Variants in CDHR3 observed in about 807,000 individuals in gnomAD.
The protein encoded by CDHR3 is cadherin-related family member 3.
A neutral mutation model predicts 86.6 loss-of-function variants in CDHR3; 79 were observed. That is an observed-to-expected ratio of 0.91 (90% CI 0.76 to 1.10). The LOEUF is 1.10. Among genes scored for constraint, CDHR3 ranks in the 50% least tolerant of loss-of-function variants. CDHR3 has a pLI of 0.00. For missense variants in CDHR3, 1,081 were observed against 1,077.6 expected, an observed-to-expected ratio of 1.00 and a Z score of -0.04; for synonymous variants, 421 against 402.4, an observed-to-expected ratio of 1.05 and a Z score of -0.55.
rs1206018121 is a variant in CDHR3 at position 106,034,120 on chromosome 7, TACTGGAAG to T, written c.*1424_*1431del. On this transcript the variant is annotated 3_prime_UTR_variant, in exon 19 of 19. Coordinates refer to ENST00000317716, the MANE Select transcript of CDHR3 (RefSeq NM_152750.5). ...AACTGCAGGACTCTGAGTGGGGACA[TACTGGAAG>T]CCCCATCTAGACATAAAACTCAGAC... 6.6e-6 allele frequency among the ~76,000 whole-genome samples: 1 copy of T among 152,216 alleles called. No homozygotes were observed. The highest frequency in any genetic ancestry group is 1.5e-5 in the Non-Finnish European group (1 of 68,040).
At position 105,984,303 on chromosome 7, in the gene CDHR3, T is replaced by C. The variant is rs773822502; in HGVS notation, c.513+14T>C. ...ATTCCCCTCAGTGTAAGTGTCCTTATATGGAAGAGGTGGTGTTTGTCCGTG... is the reference window on the plus strand; with the variant it reads ...ATTCCCCTCAGTGTAAGTGTCCTTACATGGAAGAGGTGGTGTTTGTCCGTG... On this transcript the variant is annotated intron_variant, in intron 4 of 18. Transcript: ENST00000317716. 4.4e-6 allele frequency: 7 copies of C among 1,590,082 alleles called. No individual in the cohort carries two copies. The highest frequency in any genetic ancestry group is 3.3e-4 in the Middle Eastern group (2 of 6,008).
At position 105,984,279 on chromosome 7, in the gene CDHR3, T is replaced by C; in HGVS notation, c.503T>C (p.Ile168Thr). ...GATCCAGAAGACACAAGCCGAAACA[T>C]TCCCCTCAGTGTAAGTGTCCTTATA... ...AFDPEDTSRN[I>T]PLSYFLISPP... The change falls in exon 4 of 19, where the codon ATT becomes ACT. Residue 168 changes from isoleucine to threonine, a missense_variant. By Grantham distance (89) the Ile-to-Thr change is moderately conservative (BLOSUM62 -1). Coordinates refer to ENST00000317716, the MANE Select transcript of CDHR3 (RefSeq NM_152750.5). 1.2e-6 allele frequency: 2 copies of C among 1,609,834 alleles called. No homozygotes were observed. The highest frequency in any genetic ancestry group is 8.5e-7 in the Non-Finnish European group (1 of 1,177,194).
intron 8 of CDHR3, among the ~76,000 whole-genome samples, chr7:106,009,501 T>C (rs1443183280): frequency 6.6e-6 from 1 of 152,248 alleles, no homozygotes; most frequent in Non-Finnish European, 1.5e-5. Flanking sequence ...TCTCTGACAC[T>C]TGCTCTTGAA....
At chr7:105,990,591 CT>C (rs1234153146) in intron 4 of CDHR3, among the ~76,000 whole-genome samples, 1 of 152,156 alleles carries the variant, frequency 6.6e-6, no homozygotes, top group Admixed American at 6.5e-5. Flanking sequence ...TACTCAGTGG[CT>C]TGTGGAGCCA....
chr7:105,999,939 C>A (rs1758460188), intron 6 of CDHR3, among the ~76,000 whole-genome samples: 1 of 152,180 alleles, frequency 6.6e-6, no homozygotes, highest in Admixed American at 6.5e-5. Flanking sequence ...TTAACAGAAC[C>A]CGCTCATGAT....
Position 106,020,412 on chromosome 7 carries a change from A to C in CDHR3, c.1693A>C (p.Ile565Leu). 6.2e-7 allele frequency: 1 copy of C among 1,613,862 alleles called. No homozygotes were observed. The highest frequency in any genetic ancestry group is 8.5e-7 in the Non-Finnish European group (1 of 1,179,830). The change falls in exon 13 of 19, where the codon ATT (isoleucine) becomes CTT (leucine). Residue 565 changes from isoleucine to leucine, a missense_variant. Physicochemically the swap from Ile to Leu is conservative, Grantham distance 5. Coordinates refer to ENST00000317716, the MANE Select transcript of CDHR3 (RefSeq NM_152750.5). ...NILEENDEKP[I>L]CTPNSYFLAL... Reference sequence around the variant, plus strand: ...CCTTGAAGAAAATGATGAAAAGCCAATTTGTACTCCAAACTCTTATTTCCT... The same window carrying C: ...CCTTGAAGAAAATGATGAAAAGCCACTTTGTACTCCAAACTCTTATTTCCT...
intron 6 of CDHR3, 89 bp from the exon 7 acceptor site, chr7:106,001,373 T>C (rs1328557589): frequency 7.0e-6 from 10 of 1,419,904 alleles, no homozygotes; most frequent in East Asian, 4.6e-5. Flanking sequence ...CTCTGCACTA[T>C]ATTTAGCACT....
chr7:105,984,181 C>CA lies in CDHR3; in HGVS notation c.416-10dup. 6.6e-7 allele frequency: 1 copy of CA among 1,507,254 alleles called. No homozygotes were observed. Among genetic ancestry groups the CA allele is most frequent in the African/African-American group, 1.4e-5 (1 of 72,398 alleles). The allele number at this position is 1,507,254 out of a possible 1,614,324, so 93.4% of individuals were successfully genotyped here. On this transcript the variant is annotated splice_polypyrimidine_tract_variant and intron_variant, in intron 3 of 18. Transcript: ENST00000317716. ...AAGATGTTTCTTATTCCACTTTGGA[C>CA]ACTGGTCTAGGTCTACACCTCTACA... is the stretch of plus-strand genomic sequence containing the variant.
At chr7:105,980,110 A>G (rs1829407516) in intron 2 of CDHR3, among the ~76,000 whole-genome samples, 1 of 152,244 alleles carries the variant, frequency 6.6e-6, no homozygotes, top group African/African-American at 2.4e-5. Context: ...GGCACAAAGA[A>G]AGTGAACAGT....
chr7:106,017,925 AG>A lies in CDHR3; in HGVS notation c.1510del (p.Ala504ProfsTer21), dbSNP rs1035563930. On this transcript the variant is annotated frameshift_variant, in exon 12 of 19. Transcript: ENST00000317716. LOFTEE classifies it high-confidence loss of function. The stretch of plus-strand genomic sequence containing the variant: ...GCCTCCTGTACTCCATCTCCACTGG[AG>A]GGGCCAGCCTCCAGTATCCAAATGT... ...SSLLYSISTG[G>X]ASLQYPNVFW... 49 of 1,611,534 alleles carry A rather than the reference AG, an allele frequency of 3.0e-5. No homozygotes were observed. The highest frequency in any genetic ancestry group is 3.8e-5 in the Non-Finnish European group (45 of 1,178,892).
At chr7:105,988,400 C>T (rs151290355) in intron 4 of CDHR3, among the ~76,000 whole-genome samples, 1 of 152,332 alleles carries the variant, frequency 6.6e-6, no homozygotes, top group East Asian at 1.9e-4. Flanking sequence ...CACTAAAGCA[C>T]ATGCCTGAAG....
chr7:106,015,136 A>G lies in CDHR3; in HGVS notation c.1250A>G (p.Asn417Ser), dbSNP rs1835396545. The change falls in exon 10 of 19, where the codon AAT (asparagine) becomes AGT (serine). Residue 417 changes from asparagine (N) to serine (S), a missense_variant. Coordinates refer to ENST00000317716, the MANE Select transcript of CDHR3 (RefSeq NM_152750.5). Reference protein sequence around the residue: ...IVLIGDLDYENPSNLAAGNKY... With the variant: ...IVLIGDLDYESPSNLAAGNKY... ...CTGATTGGTGATCTAGACTACGAAA[A>G]TCCAAGTAACCTAGCAGCCGGCAAT... The G allele has an allele frequency of 1.2e-6, 2 of 1,609,860 alleles. No homozygotes were observed.
chr7:106,028,116 TTAAAA>T (rs59804877), intron 16 of CDHR3, among the ~76,000 whole-genome samples: 6,367 of 120,062 alleles, frequency 0.053, 306 homozygotes, highest in Admixed American at 0.13. Flanking sequence ...AGACCCTGTC[TTAAAA>T]TAAAATAAAA....
chr7:106,004,404 T>C, intron 7 of CDHR3, 94 bp from the exon 8 acceptor site: 1 of 948,752 alleles, frequency 1.1e-6, no homozygotes, highest in Non-Finnish European at 1.6e-6. Context: ...AAGCTCTTCC[T>C]CATGTTCGAA....
chr7:106,009,858 A>G (rs1834521516), intron 8 of CDHR3, among the ~76,000 whole-genome samples: 3 of 152,258 alleles, frequency 2.0e-5, no homozygotes, highest in African/African-American at 7.2e-5. Flanking sequence ...GAGGCGGAGC[A>G]GTTTGGCTGA....
In CDHR3 at chr7:106,017,956, T is replaced by C. The variant is rs565900045; in HGVS notation, c.1537T>C (p.Trp513Arg). 1.9e-6 allele frequency: 3 copies of C among 1,613,834 alleles called. No individual in the cohort carries two copies. The African/African-American group carries it at 4.0e-5, about 22-fold the overall frequency. Residue 513 changes from tryptophan to arginine, a missense_variant, in exon 12 of 19, where the codon TGG (tryptophan) becomes CGG (arginine). Physicochemically the swap from Trp to Arg is moderately radical, Grantham distance 101. Coordinates refer to ENST00000317716, the MANE Select transcript of CDHR3 (RefSeq NM_152750.5). ...CAGCCTCCAGTATCCAAATGTATTT[T>C]GGATTAATCCCAAGACAGGAGAACT... ...GASLQYPNVF[W>R]INPKTGELQL...
intron 17 of CDHR3, among the ~76,000 whole-genome samples, chr7:106,029,441 A>C (rs753504365): frequency 3.2e-4 from 49 of 152,166 alleles, no homozygotes; most frequent in Non-Finnish European, 4.0e-4. Context: ...GGGGGTGAGG[A>C]TATCTGCCCT....
intron 18 of CDHR3, among the ~76,000 whole-genome samples, 193 bp downstream of exon 18, chr7:106,031,033 C>A (rs559631442): frequency 6.6e-6 from 1 of 152,336 alleles, no homozygotes; most frequent in South Asian, 2.1e-4. Flanking sequence ...CTAGCAGATG[C>A]TCAAGTACAG....
chr7:105,967,719 T>G (rs1827201105), intron 1 of CDHR3, among the ~76,000 whole-genome samples: 1 of 152,248 alleles, frequency 6.6e-6, no homozygotes, highest in African/African-American at 2.4e-5. Flanking sequence ...TAATGAGCAT[T>G]TTTTCATGTG....
Sources: allele counts gnomAD v4.1 joint callset (sites outside exome capture counted in the v4.1 genomes callset), GRCh38; gene constraint gnomAD v4.1.1; transcripts MANE v1.5; gene names NCBI Gene and HGNC (gene_info 2026-07-23, HGNC 2026-07-21).